The following BBS9 variants were observed in gnomAD, a reference collection of about 807,000 sequenced individuals.
The protein encoded by BBS9 is protein PTHB1.
In BBS9, 89 loss-of-function variants were observed where a neutral mutation model predicts 117.7. The observed-to-expected ratio is 0.76, with a 90% confidence interval of 0.64 to 0.90. The LOEUF (loss-of-function observed/expected upper bound fraction) is 0.90, where lower values mean the gene tolerates loss of function less well. Ranked by LOEUF, BBS9 falls within the 40% of genes least tolerant of loss-of-function variation. The pLI is 0.00. For missense variants in BBS9, 982 were observed against 1,042.2 expected, an observed-to-expected ratio of 0.94 and a Z score of 0.80; for synonymous variants, 379 against 370.9, an observed-to-expected ratio of 1.02 and a Z score of -0.25.
intron 5 of BBS9, among the ~76,000 whole-genome samples, chr7:33,217,495 A>G (rs1280891133): frequency 6.6e-6 from 1 of 152,254 alleles, no homozygotes; most frequent in Admixed American, 6.5e-5. Flanking sequence ...AACATTAAAC[A>G]TGTTTAGCTC....
intron 9 of BBS9, among the ~76,000 whole-genome samples, chr7:33,285,348 A>C (rs1194315393): frequency 2.0e-5 from 3 of 152,140 alleles, no homozygotes; most frequent in African/African-American, 7.2e-5. Flanking sequence ...GGGCCTAATG[A>C]ATCTGCTATT....
At chr7:33,451,654 A>C (rs1837890760) in intron 19 of BBS9, among the ~76,000 whole-genome samples, 1 of 151,926 alleles carries the variant, frequency 6.6e-6, no homozygotes, top group South Asian at 2.1e-4. Context: ...GTTCTGTCTC[A>C]CTGTTTTTGT....
intron 5 of BBS9, among the ~76,000 whole-genome samples, chr7:33,219,508 G>A (rs1009556960): frequency 6.6e-6 from 1 of 152,212 alleles, no homozygotes; most frequent in Non-Finnish European, 1.5e-5. Context: ...TCGGCACTCT[G>A]TATCTAGCTC....
chr7:33,629,008 A>G (rs1384975592), intron 21 of BBS9, among the ~76,000 whole-genome samples: 1 of 152,186 alleles, frequency 6.6e-6, no homozygotes, highest in Non-Finnish European at 1.5e-5. Context: ...GGGGCTCCCT[A>G]GTTAACCTGG....
At chr7:33,304,536 C>T (rs963139484) in intron 9 of BBS9, among the ~76,000 whole-genome samples, 6 of 151,736 alleles carry the variant, frequency 4.0e-5, no homozygotes, top group South Asian at 2.1e-4. Flanking sequence ...CGTCTCTCCT[C>T]GGCTGCCCTG....
At chr7:33,218,297 C>G (rs146542490) in intron 5 of BBS9, among the ~76,000 whole-genome samples, 131 of 152,228 alleles carry the variant, frequency 8.6e-4, no homozygotes, top group African/African-American at 3.0e-3. Context: ...TCAGGGAAAA[C>G]TTTCTGAGTT....
At chr7:33,484,927 ATGT>A (rs1451923193) in intron 19 of BBS9, among the ~76,000 whole-genome samples, 2 of 152,252 alleles carry the variant, frequency 1.3e-5, no homozygotes, top group African/African-American at 4.8e-5. Flanking sequence ...GATAAATAAA[ATGT>A]TGTATATATA....
intron 5 of BBS9, among the ~76,000 whole-genome samples, chr7:33,250,532 T>C (rs1366200946): frequency 6.6e-6 from 1 of 152,220 alleles, no homozygotes; most frequent in African/African-American, 2.4e-5. Context: ...GACTGTTCTT[T>C]CTATTCCCAT....
intron 19 of BBS9, among the ~76,000 whole-genome samples, chr7:33,402,714 A>G (rs1829112896): frequency 6.6e-6 from 1 of 152,126 alleles, no homozygotes; most frequent in Non-Finnish European, 1.5e-5. Flanking sequence ...TTATCTTAGA[A>G]TCAGGCAGTA....
intron 21 of BBS9, among the ~76,000 whole-genome samples, chr7:33,536,916 GC>G (rs1851537080): frequency 6.6e-6 from 1 of 151,702 alleles, no homozygotes; most frequent in African/African-American, 2.4e-5. Flanking sequence ...TCTGCTTCAA[GC>G]CTGTAATTGT....
At chr7:33,505,359 T>G in intron 19 of BBS9, 104 bp from the exon 20 acceptor site, 1 of 1,085,996 alleles carries the variant, frequency 9.2e-7, no homozygotes, top group Non-Finnish European at 1.4e-6. Flanking sequence ...GAAGACAAAG[T>G]TCATCAAGTT....
intron 17 of BBS9, among the ~76,000 whole-genome samples, chr7:33,377,285 C>T (rs1409619555): frequency 1.3e-5 from 2 of 152,122 alleles, no homozygotes; most frequent in Non-Finnish European, 2.9e-5. Context: ...TATTCCAGCA[C>T]CATTTGCGTG....
chr7:33,341,545 G>A (rs986034075), intron 11 of BBS9, among the ~76,000 whole-genome samples: 1 of 151,970 alleles, frequency 6.6e-6, no homozygotes, highest in Non-Finnish European at 1.5e-5. Context: ...CACAAAATGG[G>A]AATAATAATA....
chr7:33,393,272 A>G (rs965880961), intron 19 of BBS9, among the ~76,000 whole-genome samples: 1 of 152,232 alleles, frequency 6.6e-6, no homozygotes, highest in Non-Finnish European at 1.5e-5. Flanking sequence ...ATATTTGCCC[A>G]TGTTCTTAGT....
intron 9 of BBS9, among the ~76,000 whole-genome samples, chr7:33,333,849 C>T (rs543139996): frequency 3.3e-5 from 5 of 152,200 alleles, no homozygotes; most frequent in East Asian, 3.9e-4. Context: ...TGACCTCAAG[C>T]GATCCACCTG....
intron 19 of BBS9, among the ~76,000 whole-genome samples, chr7:33,456,625 A>T (rs1256175644): frequency 2.0e-5 from 3 of 151,102 alleles, no homozygotes; most frequent in Non-Finnish European, 4.4e-5. Flanking sequence ...TCCCCTAAGT[A>T]TTTTTTTTTC....
intron 9 of BBS9, among the ~76,000 whole-genome samples, chr7:33,299,582 T>C (rs11768050): frequency 0.14 from 21,176 of 148,560 alleles, 1,787 homozygotes; most frequent in Non-Finnish European, 0.18. Flanking sequence ...AATTTAGTAA[T>C]ATTCACAATT....
chr7:33,140,376 G>C (rs545567251), intron 1 of BBS9, among the ~76,000 whole-genome samples: 3 of 152,246 alleles, frequency 2.0e-5, no homozygotes, highest in South Asian at 4.1e-4. Flanking sequence ...CTAAGCTTGT[G>C]TCTGGTTTTC....
intron 21 of BBS9, among the ~76,000 whole-genome samples, chr7:33,621,239 ACAAT>A (rs1865390127): frequency 6.6e-6 from 1 of 152,196 alleles, no homozygotes; most frequent in Admixed American, 6.5e-5. Flanking sequence ...AGCAAAGGAG[ACAAT>A]CAAAAGAGTA....
Sources: allele counts gnomAD v4.1 joint callset (sites outside exome capture counted in the v4.1 genomes callset), GRCh38; gene constraint gnomAD v4.1.1; transcripts MANE v1.5; gene names NCBI Gene and HGNC (gene_info 2026-07-23, HGNC 2026-07-21).